SEZ6L: variants seen among roughly 807,000 people sequenced by gnomAD.
The protein encoded by SEZ6L is seizure related 6 homolog like, also known as seizure 6-like protein.
In SEZ6L, 37 loss-of-function variants were observed where a neutral mutation model predicts 106.2. That is an observed-to-expected ratio of 0.35 (90% CI 0.27 to 0.46). The LOEUF is 0.46. SEZ6L is among the 20% of genes least tolerant of loss of function. The pLI, the probability that SEZ6L is intolerant of heterozygous loss-of-function variation, is 1.00. For missense variants in SEZ6L, 1,172 were observed against 1,332.8 expected, an observed-to-expected ratio of 0.88 and a Z score of 1.88; for synonymous variants, 541 against 570.4, an observed-to-expected ratio of 0.95 and a Z score of 0.73.
Position 26,306,099 on chromosome 22 carries a change from A to G in SEZ6L, c.1469A>G (p.Lys490Arg). 1 of 1,614,198 alleles carries G rather than the reference A, an allele frequency of 6.2e-7. No individual in the cohort carries two copies. The highest frequency in any genetic ancestry group is 8.5e-7 in the Non-Finnish European group (1 of 1,180,034). ...IWTIEAPEGQ[K>R]LHLHFERLLL... ...ACGATTGAAGCTCCAGAGGGCCAGA[A>G]GCTGCACCTGCACTTTGAGAGGCTG... The change falls in exon 6 of 17, where the codon AAG (lysine) becomes AGG (arginine). Residue 490 changes from lysine to arginine, a missense_variant. Around this residue, in one of 4 missense-constraint regions of SEZ6L, gnomAD observed 534 missense variants for 691.0 expected, o/e 0.77. Transcript: ENST00000248933.
intron 10 of SEZ6L, among the ~76,000 whole-genome samples, chr22:26,345,434 C>T (rs555610377): frequency 6.6e-6 from 1 of 152,024 alleles, no homozygotes; most frequent in Non-Finnish European, 1.5e-5. Context: ...AACCTTTCTC[C>T]GTCTCAAAGC....
At chr22:26,323,710 C>T (rs5761473) in intron 9 of SEZ6L, among the ~76,000 whole-genome samples, 62,159 of 151,866 alleles carry the variant, frequency 0.41, 12,807 homozygotes, top group Middle Eastern at 0.48. Flanking sequence ...ATAACCATAG[C>T]TAACACTACT....
At position 26,292,972 on chromosome 22, in the gene SEZ6L, C is replaced by T; in HGVS notation, c.661C>T (p.Pro221Ser). 2 of 1,613,844 alleles carry T rather than the reference C, an allele frequency of 1.2e-6. No homozygotes were observed. Among genetic ancestry groups the T allele is most frequent in the Non-Finnish European group, 1.7e-6 (2 of 1,179,894 alleles). Residue 221 changes from proline (P) to serine (S), a missense_variant, in exon 2 of 17, where the codon CCC becomes TCC. Physicochemically the swap from Pro to Ser is moderately conservative, Grantham distance 74. Around this residue, in one of 4 missense-constraint regions of SEZ6L, gnomAD observed 494 missense variants for 445.8 expected, o/e 1.11. Transcript: ENST00000248933. Reference protein sequence around the residue: ...VAHTLPQRPEPGEPGPDMAQE... With the variant: ...VAHTLPQRPESGEPGPDMAQE... ...CCACACACTCCCCCAGAGGCCAGAA[C>T]CCGGGGAGCCTGGGCCTGACATGGC...
intron 11 of SEZ6L, among the ~76,000 whole-genome samples, chr22:26,348,569 A>AAGGAAGGAAGGGAG (rs2083096297): frequency 6.9e-5 from 6 of 86,552 alleles, no homozygotes; most frequent in African/African-American, 4.8e-4. Flanking sequence ...AAGGGAGGAA[A>AAGGAAGGAAGGGAG]GAAAGAAAGA....
chr22:26,347,743 C>T lies in SEZ6L; in HGVS notation c.2237C>T (p.Ser746Leu), dbSNP rs574275567. Residue 746 changes from serine (S) to leucine (L), a missense_variant, in exon 11 of 17, where the codon TCG becomes TTG. Physicochemically the swap from Ser to Leu is moderately radical, Grantham distance 145. Transcript: ENST00000248933. Reference protein sequence around the residue: ...YIEVSRNDSCSDLPEIQNGWK... With the variant: ...YIEVSRNDSCLDLPEIQNGWK... ...GAGGTATCAAGGAATGACTCCTGCT[C>T]GGATTTACCCGAGATCCAGAATGGC... 28 of 1,608,878 alleles carry T rather than the reference C, an allele frequency of 1.7e-5. No homozygotes were observed. Among genetic ancestry groups the T allele is most frequent in the Non-Finnish European group, 2.3e-5 (27 of 1,178,226 alleles).
At chr22:26,188,179 T>G (rs568405601) in intron 1 of SEZ6L, among the ~76,000 whole-genome samples, 1 of 152,212 alleles carries the variant, frequency 6.6e-6, no homozygotes, top group Non-Finnish European at 1.5e-5. Flanking sequence ...CCTGCCTGTC[T>G]CAGCTGAGTT....
chr22:26,298,702 T>C (rs1301479724), intron 4 of SEZ6L, among the ~76,000 whole-genome samples: 1 of 152,144 alleles, frequency 6.6e-6, no homozygotes, highest in Non-Finnish European at 1.5e-5. Flanking sequence ...TCTACATAGA[T>C]AGAGATAGGC....
chr22:26,172,060 A>G (rs1355956246), intron 1 of SEZ6L, among the ~76,000 whole-genome samples: 1 of 152,158 alleles, frequency 6.6e-6, no homozygotes, highest in Non-Finnish European at 1.5e-5. Flanking sequence ...ATGAATAAGT[A>G]TAAAGTATAA....
chr22:26,206,794 A>G (rs1283576825), intron 1 of SEZ6L, among the ~76,000 whole-genome samples: 3 of 152,222 alleles, frequency 2.0e-5, no homozygotes, highest in South Asian at 2.1e-4. Context: ...TTTAAATTAA[A>G]TTATCAGAGA....
intron 1 of SEZ6L, among the ~76,000 whole-genome samples, chr22:26,210,842 T>G (rs2078137301): frequency 6.6e-6 from 1 of 152,210 alleles, no homozygotes; most frequent in South Asian, 2.1e-4. Flanking sequence ...TGTTCCAACA[T>G]TTAAAATAGA....
At chr22:26,279,473 C>T (rs906253095) in intron 1 of SEZ6L, among the ~76,000 whole-genome samples, 24 of 152,276 alleles carry the variant, frequency 1.6e-4, no homozygotes, top group Non-Finnish European at 3.2e-4. Context: ...TCCTGCCTTT[C>T]CTGTCTCACT....
intron 1 of SEZ6L, among the ~76,000 whole-genome samples, chr22:26,213,619 C>T (rs1410211981): frequency 2.0e-5 from 3 of 152,210 alleles, no homozygotes; most frequent in Non-Finnish European, 4.4e-5. Flanking sequence ...ATTAAACCTT[C>T]CCTTCTCTTC....
chr22:26,212,621 C>G (rs2078193392), intron 1 of SEZ6L, among the ~76,000 whole-genome samples: 2 of 152,138 alleles, frequency 1.3e-5, no homozygotes, highest in Non-Finnish European at 2.9e-5. Flanking sequence ...TAGGGTTTCA[C>G]TGTGCTGCCC....
intron 1 of SEZ6L, among the ~76,000 whole-genome samples, chr22:26,291,751 TG>T (rs2081115781): frequency 1.3e-5 from 2 of 152,234 alleles, no homozygotes; most frequent in South Asian, 4.1e-4. Context: ...CAACTGTACA[TG>T]GCATGCCTGT....
chr22:26,223,373 C>T (rs760937515), intron 1 of SEZ6L, among the ~76,000 whole-genome samples: 2 of 152,174 alleles, frequency 1.3e-5, no homozygotes, highest in Non-Finnish European at 2.9e-5. Flanking sequence ...CCTCCATATA[C>T]TCCATATATT....
At chr22:26,375,773 C>G in intron 15 of SEZ6L, 84 bp downstream of exon 15, 1 of 966,526 alleles carries the variant, frequency 1.0e-6, no homozygotes, top group Non-Finnish European at 1.6e-6. Flanking sequence ...CTCTGAGCCT[C>G]AGGGTCTCCA....
intron 5 of SEZ6L, among the ~76,000 whole-genome samples, chr22:26,303,796 C>G (rs77274781): frequency 0.012 from 1,790 of 152,220 alleles, 44 homozygotes; most frequent in African/African-American, 0.041. Flanking sequence ...TGAGATGGTT[C>G]CAAATAACCT....
intron 12 of SEZ6L, among the ~76,000 whole-genome samples, chr22:26,359,463 C>A (rs752441852): frequency 6.6e-6 from 1 of 152,130 alleles, no homozygotes; most frequent in African/African-American, 2.4e-5. Context: ...ACCTTTAACA[C>A]GTTACCCAAC....
At position 26,340,729 on chromosome 22, in the gene SEZ6L, A is replaced by AT. The variant is rs550157524; in HGVS notation, c.2212+102dup. On this transcript the variant is annotated intron_variant, in intron 10 of 16. Transcript: ENST00000248933. ...TATTTGGCAGTTTTGTACTACAGCG[A>AT]TTTTTCATTGTATTGTATTGAAATG... 316 of 982,952 alleles carry AT rather than the reference A, an allele frequency of 3.2e-4. No individual in the cohort carries two copies. In the African/African-American group the frequency reaches 4.6e-3, roughly 14 times the overall value. The allele number at this position is 982,952 out of a possible 1,614,324, so 60.9% of individuals were successfully genotyped here.
Sources: allele counts gnomAD v4.1 joint callset (sites outside exome capture counted in the v4.1 genomes callset), GRCh38; gene constraint gnomAD v4.1.1; regional missense constraint gnomAD v4.1.1; transcripts MANE v1.5; gene names NCBI Gene and HGNC (gene_info 2026-07-23, HGNC 2026-07-21).